CHCHD3: variants seen among roughly 807,000 people sequenced by gnomAD.
The protein encoded by CHCHD3 is coiled-coil-helix-coiled-coil-helix domain containing 3.
A neutral mutation model predicts 38.2 loss-of-function variants in CHCHD3; 20 were observed. The observed-to-expected ratio is 0.52, with a 90% CI of 0.37 to 0.76. CHCHD3 has a LOEUF of 0.76. Among genes scored for constraint, CHCHD3 ranks in the 30% least tolerant of loss-of-function variants. The pLI, the probability that CHCHD3 is intolerant of heterozygous loss-of-function variation, is 0.00. For missense variants in CHCHD3, 245 were observed against 279.2 expected (o/e 0.88, Z 0.87); for synonymous variants, 82 against 100.0 (o/e 0.82, Z 1.07).
Position 132,838,460 on chromosome 7 carries a change from ACTCTGAGCT to A in CHCHD3, c.454_462del (p.Ser152_Glu154del), listed in dbSNP as rs1233019395. 2 of 1,611,210 alleles carry A rather than the reference ACTCTGAGCT, an allele frequency of 1.2e-6. No individual in the cohort carries two copies. The highest frequency in any genetic ancestry group is 1.3e-5 in the African/African-American group (1 of 74,848). On this transcript the variant is annotated inframe_deletion and splice_region_variant, in exon 6 of 8. Coordinates refer to ENST00000262570, the MANE Select transcript of CHCHD3 (RefSeq NM_017812.4). ...TATTGTTCAGTGGTGACTCTGTAGA[ACTCTGAGCT>A]CTGTGGACAAAGATTGATAGCAAAG...
intron 2 of CHCHD3, among the ~76,000 whole-genome samples, chr7:133,030,787 TGTCAA>T (rs953176241): frequency 3.3e-5 from 5 of 152,330 alleles, no homozygotes; most frequent in African/African-American, 1.2e-4. Flanking sequence ...ACTGGCATTT[TGTCAA>T]TTAGTTATAG....
chr7:132,912,523 T>C (rs1809976925), intron 4 of CHCHD3, among the ~76,000 whole-genome samples: 1 of 152,146 alleles, frequency 6.6e-6, no homozygotes, highest in Admixed American at 6.5e-5. Flanking sequence ...TACTTTAACC[T>C]CTCTGTGTGT....
chr7:132,887,580 G>C lies in CHCHD3; in HGVS notation c.370-1835C>G, dbSNP rs1809249174. Among the ~76,000 whole-genome samples, 3 of 151,044 alleles carry C rather than the reference G, an allele frequency of 2.0e-5. 1 individual carries two copies. The highest frequency in any genetic ancestry group is 7.3e-5 in the African/African-American group (3 of 41,230). ...AGAGTTAATGTTATTAACATATAGA[G>C]CACTGAAAAAAGAAGCCTCATCCCC... is the stretch of plus-strand genomic sequence containing the variant. On this transcript the variant is annotated intron_variant, in intron 4 of 7. Coordinates refer to ENST00000262570, the MANE Select transcript of CHCHD3 (RefSeq NM_017812.4).
intron 5 of CHCHD3, among the ~76,000 whole-genome samples, chr7:132,874,333 G>A (rs543587241): frequency 1.3e-5 from 2 of 152,252 alleles, no homozygotes; most frequent in Admixed American, 6.5e-5. Flanking sequence ...ATACAAAGGC[G>A]CACTTTCTAC....
intron 1 of CHCHD3, among the ~76,000 whole-genome samples, chr7:133,077,924 T>G (rs1281166333): frequency 6.6e-6 from 1 of 152,094 alleles, no homozygotes; most frequent in Non-Finnish European, 1.5e-5. Flanking sequence ...AAATAACACC[T>G]GGTAGGTGAG....
chr7:133,051,683 T>G (rs768984879), intron 2 of CHCHD3, among the ~76,000 whole-genome samples: 2 of 152,188 alleles, frequency 1.3e-5, no homozygotes, highest in Non-Finnish European at 2.9e-5. Context: ...AAAATTGCAT[T>G]TCAGGCTGCT....
At chr7:132,940,294 C>A (rs944069413) in intron 4 of CHCHD3, among the ~76,000 whole-genome samples, 1 of 152,156 alleles carries the variant, frequency 6.6e-6, no homozygotes, top group Non-Finnish European at 1.5e-5. Flanking sequence ...GATGTGTATG[C>A]ATGTGTGCTA....
At chr7:133,057,147 A>G (rs1027380225) in intron 2 of CHCHD3, among the ~76,000 whole-genome samples, 1 of 152,198 alleles carries the variant, frequency 6.6e-6, no homozygotes, top group African/African-American at 2.4e-5. Context: ...ACACCTATTG[A>G]GGCACATCAC....
At chr7:132,921,970 A>G (rs1810273621) in intron 4 of CHCHD3, among the ~76,000 whole-genome samples, 1 of 152,214 alleles carries the variant, frequency 6.6e-6, no homozygotes, top group Non-Finnish European at 1.5e-5. Flanking sequence ...CTACCCAAGG[A>G]TTCACGGCTA....
intron 4 of CHCHD3, among the ~76,000 whole-genome samples, chr7:132,893,306 G>A (rs1244257117): frequency 1.3e-5 from 2 of 152,134 alleles, no homozygotes; most frequent in Non-Finnish European, 2.9e-5. Context: ...GACTTGCGTG[G>A]GGCCTGTAGC....
intron 4 of CHCHD3, among the ~76,000 whole-genome samples, chr7:132,958,775 C>T (rs1470651514): frequency 6.6e-6 from 1 of 152,214 alleles, no homozygotes; most frequent in African/African-American, 2.4e-5. Context: ...AAGTGTCTTA[C>T]TATAATCTGT....
intron 4 of CHCHD3, among the ~76,000 whole-genome samples, chr7:132,939,435 G>C (rs1810710150): frequency 6.6e-6 from 1 of 152,064 alleles, no homozygotes; most frequent in Non-Finnish European, 1.5e-5. Context: ...GATACACAAA[G>C]AGTTACCATT....
At chr7:133,063,169 T>C (rs1207513630) in intron 2 of CHCHD3, among the ~76,000 whole-genome samples, 1 of 152,070 alleles carries the variant, frequency 6.6e-6, no homozygotes, top group Non-Finnish European at 1.5e-5. Context: ...AGCCTAAAGG[T>C]TTTCTGGATT....
At chr7:132,882,072 G>A (rs1369450425) in intron 5 of CHCHD3, among the ~76,000 whole-genome samples, 1 of 152,124 alleles carries the variant, frequency 6.6e-6, no homozygotes, top group African/African-American at 2.4e-5. Context: ...TATACACAAT[G>A]GAAAGTAAGC....
intron 6 of CHCHD3, among the ~76,000 whole-genome samples, chr7:132,812,210 T>C (rs1295649332): frequency 5.9e-4 from 80 of 136,204 alleles, no homozygotes; most frequent in East Asian, 3.8e-3. Context: ...CTTTTTTTTT[T>C]TTTTTTTTTT....
chr7:132,983,891 C>T (rs1757024956), intron 3 of CHCHD3, among the ~76,000 whole-genome samples: 1 of 152,208 alleles, frequency 6.6e-6, no homozygotes, highest in Admixed American at 6.5e-5. Flanking sequence ...GCTATGCCAG[C>T]AGGTCCAAAA....
rs184405840 is a variant in CHCHD3 at position 132,924,808 on chromosome 7, G to A, written c.370-39063C>T. The stretch of plus-strand genomic sequence containing the variant: ...ACACCAAATTTCCAGCTCTTTCACC[G>A]TCTTAAAACACACGTACACATACAG... On this transcript the variant is annotated intron_variant, in intron 4 of 7. Transcript: ENST00000262570. 2.7e-3 allele frequency among the ~76,000 whole-genome samples: 405 copies of A among 152,170 alleles called. 4 individuals carry two copies. The highest frequency in any genetic ancestry group is 9.3e-3 in the African/African-American group (387 of 41,512).
chr7:132,991,236 C>T (rs1208411052), intron 3 of CHCHD3, among the ~76,000 whole-genome samples: 1 of 151,868 alleles, frequency 6.6e-6, no homozygotes, highest in Non-Finnish European at 1.5e-5. Flanking sequence ...ACATAATTTG[C>T]TTCTTTATTC....
chr7:132,985,502 TG>T (rs1206106616), intron 3 of CHCHD3, among the ~76,000 whole-genome samples: 1 of 49,870 alleles, frequency 2.0e-5, no homozygotes, highest in African/African-American at 8.5e-5. Context: ...AGGAGGGAGG[TG>T]GGGGGGTCAG....
Sources: gnomAD v4.1 joint callset for allele counts (sites outside exome capture counted in the v4.1 genomes callset) on GRCh38, gnomAD v4.1.1 for gene constraint, MANE v1.5 for transcripts, NCBI Gene and HGNC (gene_info 2026-07-23, HGNC 2026-07-21) for gene names.